The following LEPROTL1 variants were observed in gnomAD, a reference collection of about 807,000 sequenced individuals.
LEPROTL1 encodes leptin receptor overlapping transcript-like 1.
In LEPROTL1, 6 loss-of-function variants were observed where a neutral mutation model predicts 15.4. The observed-to-expected ratio is 0.39, with a 90% CI of 0.21 to 0.77. The LOEUF (loss-of-function observed/expected upper bound fraction) is 0.77, where lower values mean the gene tolerates loss of function less well. Ranked by LOEUF, LEPROTL1 falls within the 30% of genes least tolerant of loss-of-function variation. The pLI, the probability that LEPROTL1 is intolerant of heterozygous loss-of-function variation, is 0.41. For synonymous variants in LEPROTL1, 56 were observed against 52.6 expected (o/e 1.06, Z -0.28); for missense variants, 128 against 158.1 (o/e 0.81, Z 1.02).
downstream of LEPROTL1, among the ~76,000 whole-genome samples, chr8:30,113,382 C>T (rs764149647): frequency 2.0e-5 from 3 of 152,110 alleles, no homozygotes; most frequent in Non-Finnish European, 2.9e-5. Flanking sequence ...CGAAAACATA[C>T]GGGATCGTAT....
intron 4 of LEPROTL1, among the ~76,000 whole-genome samples, chr8:30,136,838 C>T (rs890787021): frequency 2.0e-5 from 3 of 151,924 alleles, no homozygotes; most frequent in African/African-American, 7.3e-5. Context: ...CAGGCGTCCG[C>T]CACTATGCCC....
Position 30,095,477 on chromosome 8 carries a change from G to T in LEPROTL1, c.-36G>T, listed in dbSNP as rs1802343834. 2 of 1,464,932 alleles carry T rather than the reference G, an allele frequency of 1.4e-6. No individual in the cohort carries two copies. The highest frequency in any genetic ancestry group is 1.5e-5 in the African/African-American group (1 of 68,112). 90.7% of individuals were successfully genotyped at this position (1,464,932 alleles called of 1,614,324 possible). On this transcript the variant is annotated 5_prime_UTR_variant, in exon 1 of 4. Coordinates refer to ENST00000321250, the MANE Select transcript of LEPROTL1 (RefSeq NM_015344.3). ...CCCGGCTGCCGCTGCTGCCGCCGCC[G>T]CCTCGGGTCGTGGAGCCAGGAGCGA...
intron 1 of LEPROTL1, chr8:30,096,343 A>G (rs1027003690): frequency 2.0e-6 from 2 of 985,090 alleles, no homozygotes; most frequent in Admixed American, 6.1e-5. Context: ...TGAGAAGCAA[A>G]GTTTTCAGCT....
At chr8:30,117,677 G>C in intron 3 of LEPROTL1, 1 of 1,471,310 alleles carries the variant, frequency 6.8e-7, no homozygotes, top group African/African-American at 1.4e-5. Flanking sequence ...ACCAGACGAT[G>C]ACTTTGGAGC....
At chr8:30,130,947 T>C (rs2117528883) in intron 3 of LEPROTL1, among the ~76,000 whole-genome samples, 1 of 151,826 alleles carries the variant, frequency 6.6e-6, no homozygotes, top group Non-Finnish European at 1.5e-5. Context: ...GCCCGGCTAA[T>C]TTTTGTATTT....
Position 30,131,825 on chromosome 8 carries a change from C to T in LEPROTL1, c.280-550C>T, listed in dbSNP as rs146282921. On this transcript the variant is annotated intron_variant, in intron 3 of 4. Coordinates refer to the LEPROTL1 transcript ENST00000442880. ...ACTGCAAGTCACTGGGTATATCCAT[C>T]CAAAACTTTAGAAAAAATTTTATTA... 2.4e-6 allele frequency: 3 copies of T among 1,273,210 alleles called. No homozygotes were observed. The African/African-American group carries it at 4.5e-5, about 19-fold the overall frequency. The allele number at this position is 1,273,210 out of a possible 1,614,324, so 78.9% of individuals were successfully genotyped here. A position where few individuals can be genotyped will look rare whatever the true frequency, so the allele number is the denominator to read the frequency against.
chr8:30,100,497 T>C (rs542533797), intron 1 of LEPROTL1, among the ~76,000 whole-genome samples: 128 of 152,358 alleles, frequency 8.4e-4, no homozygotes, highest in African/African-American at 2.9e-3. Flanking sequence ...TCGCACAGGC[T>C]GGAATGCAAA....
At chr8:30,105,476 G>T (rs1046779313) in intron 3 of LEPROTL1, among the ~76,000 whole-genome samples, 5 of 150,196 alleles carry the variant, frequency 3.3e-5, no homozygotes, top group African/African-American at 1.2e-4. Context: ...GGAACCAAAG[G>T]TAAATGAAAA....
chr8:30,138,092 G>T, downstream of LEPROTL1: 1 of 170,612 alleles, frequency 5.9e-6, no homozygotes, highest in Non-Finnish European at 1.3e-5. Flanking sequence ...CAACCAAGCG[G>T]CACTGTCAAC....
chr8:30,137,380 C>A, exon 5 of LEPROTL1: 1 of 1,551,696 alleles, frequency 6.4e-7, no homozygotes, highest in African/African-American at 1.4e-5. Context: ...AAGATTGTTA[C>A]CTGCAAGCAG....
intron 2 of LEPROTL1, among the ~76,000 whole-genome samples, 199 bp downstream of exon 2, chr8:30,102,172 T>C (rs953547299): frequency 2.0e-5 from 3 of 152,218 alleles, no homozygotes; most frequent in Non-Finnish European, 2.9e-5. Context: ...TATTTTTGGC[T>C]GTTACCTGCT....
chr8:30,118,973 G>T (rs532586027), intron 3 of LEPROTL1, among the ~76,000 whole-genome samples: 2 of 152,248 alleles, frequency 1.3e-5, no homozygotes, highest in East Asian at 3.9e-4. Context: ...ACCATTCATG[G>T]GTGTCGGGCT....
intron 3 of LEPROTL1, among the ~76,000 whole-genome samples, chr8:30,118,565 C>T (rs1004460997): frequency 6.6e-6 from 1 of 152,092 alleles, no homozygotes; most frequent in Non-Finnish European, 1.5e-5. Flanking sequence ...AGGTATATCT[C>T]GTCAGGTGGG....
rs761141718 is a variant in LEPROTL1, at chr8:30,131,900, A to G, written c.280-475A>G. The stretch of plus-strand genomic sequence containing the variant: ...ATCGATGCGTCATCTGGCACTTTCT[A>G]AAATGTTTCCTGGGTGTTTAAGGTG... On this transcript the variant is annotated intron_variant, in intron 3 of 4. Coordinates refer to the LEPROTL1 transcript ENST00000442880. 2.0e-6 allele frequency: 3 copies of G among 1,501,850 alleles called. No homozygotes were observed. The African/African-American group carries it at 4.2e-5, about 21-fold the overall frequency. 93.0% of individuals were successfully genotyped at this position (1,501,850 alleles called of 1,614,324 possible).
chr8:30,120,830 CTG>C (rs1481308106), intron 3 of LEPROTL1, among the ~76,000 whole-genome samples: 1 of 152,234 alleles, frequency 6.6e-6, no homozygotes, highest in African/African-American at 2.4e-5. Flanking sequence ...CCACACCCAA[CTG>C]TTTTGTTTTT....
At chr8:30,105,574 T>C (rs1400175644) in intron 3 of LEPROTL1, among the ~76,000 whole-genome samples, 172 bp from the exon 4 acceptor site, 2 of 148,100 alleles carry the variant, frequency 1.4e-5, no homozygotes, top group Non-Finnish European at 3.0e-5. Flanking sequence ...TTTTTTACTA[T>C]ATATATTTAT....
chr8:30,137,691 C>T (rs7828996), exon 5 of LEPROTL1: 537,932 of 587,478 alleles, frequency 0.92, 246,975 homozygotes, highest in Middle Eastern at 0.97. Flanking sequence ...TGTTCATTCC[C>T]GGGACTCATT....
At chr8:30,129,759 A>C (rs1473920148) in intron 3 of LEPROTL1, among the ~76,000 whole-genome samples, 1 of 145,400 alleles carries the variant, frequency 6.9e-6, no homozygotes, top group Non-Finnish European at 1.5e-5. Context: ...ACACACACAA[A>C]GAACTACCTG....
intron 1 of LEPROTL1, among the ~76,000 whole-genome samples, chr8:30,099,791 A>T (rs77550163): frequency 0.019 from 2,021 of 104,158 alleles, 47 homozygotes; most frequent in East Asian, 0.11. Flanking sequence ...GAATGAAAAA[A>T]TGTCTGAGGC....
Sources: allele counts gnomAD v4.1 joint callset (sites outside exome capture counted in the v4.1 genomes callset), GRCh38; gene constraint gnomAD v4.1.1; transcripts MANE v1.5; gene names NCBI Gene and HGNC (gene_info 2026-07-23, HGNC 2026-07-21).